The following B3GALNT2 variants were observed in gnomAD, a reference collection of about 807,000 sequenced individuals.
The protein encoded by B3GALNT2 is UDP-GalNAc:beta-1,3-N-acetylgalactosaminyltransferase 2.
Under a neutral mutation model 61.1 loss-of-function variants are expected in B3GALNT2, and 53 were observed. The ratio of observed to expected loss-of-function variants is 0.87; its 90% confidence interval spans 0.70 to 1.09. The LOEUF (loss-of-function observed/expected upper bound fraction) is 1.09, where lower values mean the gene tolerates loss of function less well. Ranked by LOEUF, B3GALNT2 falls within the 50% of genes least tolerant of loss-of-function variation. The pLI, the probability that B3GALNT2 is intolerant of heterozygous loss-of-function variation, is 0.00. For synonymous variants in B3GALNT2, 223 were observed against 237.4 expected (o/e 0.94, Z 0.56); for missense variants, 544 against 623.0 (o/e 0.87, Z 1.35).
chr1:235,496,290 A>T, intron 1 of B3GALNT2: 2 of 739,274 alleles, frequency 2.7e-6, no homozygotes, highest in Non-Finnish European at 3.6e-6. Flanking sequence ...CAGCCTGGGC[A>T]ACAAGAGTGA....
At chr1:235,450,810 G>C (rs1682852292) in intron 11 of B3GALNT2, 1 of 149,450 alleles carries the variant, frequency 6.7e-6, no homozygotes, top group African/African-American at 2.6e-5. Context: ...AACAAACGAA[G>C]AGTTAAAAAA....
At chr1:235,468,408 G>A (rs980048158) in intron 6 of B3GALNT2, among the ~76,000 whole-genome samples, 21 of 146,296 alleles carry the variant, frequency 1.4e-4, no homozygotes, top group African/African-American at 5.0e-4. Context: ...CAGATCATTT[G>A]AGTCTTTACA....
At chr1:235,475,867 G>A (rs1243176593) in intron 5 of B3GALNT2, among the ~76,000 whole-genome samples, 1 of 151,980 alleles carries the variant, frequency 6.6e-6, no homozygotes, top group African/African-American at 2.4e-5. Context: ...TTTGTTGTTT[G>A]AATAGGGACT....
intron 2 of B3GALNT2, among the ~76,000 whole-genome samples, chr1:235,491,443 T>C (rs923267851): frequency 6.6e-6 from 1 of 152,224 alleles, no homozygotes; most frequent in Non-Finnish European, 1.5e-5. Flanking sequence ...TGTATGTACA[T>C]ATAAGCATCA....
intron 2 of B3GALNT2, among the ~76,000 whole-genome samples, chr1:235,491,084 TA>T (rs34246434): frequency 0.019 from 2,594 of 138,836 alleles, 58 homozygotes; most frequent in African/African-American, 0.062. Flanking sequence ...AGTGAATAGT[TA>T]AAAAAAAAAA....
intron 6 of B3GALNT2, among the ~76,000 whole-genome samples, chr1:235,468,450 C>CTTTTTTTTTTTTTTTTTTTTTTT (rs58494716): frequency 1.1e-5 from 1 of 87,388 alleles, no homozygotes; most frequent in Non-Finnish European, 2.1e-5. Flanking sequence ...AGAAACCTAC[C>CTTTTTTTTTTTTTTTTTTTTTTT]TTTTTTTTTT....
intron 10 of B3GALNT2, among the ~76,000 whole-genome samples, chr1:235,453,367 C>T (rs534831283): frequency 2.4e-4 from 36 of 152,142 alleles, no homozygotes; most frequent in Non-Finnish European, 3.8e-4. Flanking sequence ...CGCGAGCAGA[C>T]GACCCATCCT....
At chr1:235,442,923 C>T (rs1681993682), downstream of B3GALNT2, 2 of 1,613,766 alleles carry the variant, frequency 1.2e-6, no homozygotes, top group Non-Finnish European at 1.7e-6. Flanking sequence ...TAAGAAGAAC[C>T]AGCCTGTCTT....
intron 6 of B3GALNT2, among the ~76,000 whole-genome samples, chr1:235,470,591 A>G (rs867279771): frequency 4.6e-5 from 7 of 151,670 alleles, no homozygotes; most frequent in Middle Eastern, 3.4e-3. Flanking sequence ...AAAAAAAAAA[A>G]AGAGAAATAA....
At chr1:235,470,729 T>G in intron 6 of B3GALNT2, 121 bp downstream of exon 6, 5 of 1,413,778 alleles carry the variant, frequency 3.5e-6, no homozygotes, top group Non-Finnish European at 4.7e-6. Flanking sequence ...CTATATATGT[T>G]GTAAAACACA....
At chr1:235,478,843 A>T (rs1226505372) in intron 5 of B3GALNT2, 2 of 152,264 alleles carry the variant, frequency 1.3e-5, no homozygotes, top group Non-Finnish European at 1.5e-5. Flanking sequence ...AAATGTGATT[A>T]TCTCCAAATA....
intron 4 of B3GALNT2, among the ~76,000 whole-genome samples, chr1:235,484,087 TA>T (rs1684682518): frequency 6.6e-6 from 1 of 152,188 alleles, no homozygotes; most frequent in Admixed American, 6.5e-5. Flanking sequence ...TGGAGATTTC[TA>T]ATCTAGTCAA....
chr1:235,473,802 A>C (rs1684116096), intron 5 of B3GALNT2, among the ~76,000 whole-genome samples: 1 of 152,256 alleles, frequency 6.6e-6, no homozygotes, highest in African/African-American at 2.4e-5. Context: ...TATAGTGACC[A>C]GATAAAAATC....
chr1:235,497,314 T>C (rs370831233), intron 1 of B3GALNT2, among the ~76,000 whole-genome samples: 16 of 152,346 alleles, frequency 1.1e-4, no homozygotes, highest in Middle Eastern at 6.8e-3. Flanking sequence ...AGTTCTGACA[T>C]TGATTCCACA....
chr1:235,459,605 C>T (rs1683322047), intron 7 of B3GALNT2, among the ~76,000 whole-genome samples: 1 of 151,872 alleles, frequency 6.6e-6, no homozygotes. Flanking sequence ...CCAGCCTAGG[C>T]AACACAGCGA....
chr1:235,474,301 T>C (rs895207056), intron 5 of B3GALNT2, among the ~76,000 whole-genome samples: 1 of 152,212 alleles, frequency 6.6e-6, no homozygotes, highest in Non-Finnish European at 1.5e-5. Context: ...AAAAATAGCA[T>C]GATACAGGTT....
intron 1 of B3GALNT2, among the ~76,000 whole-genome samples, chr1:235,503,800 TGAAGGGCACACGAGGTTCC>T (rs1173122447): frequency 6.6e-6 from 1 of 152,114 alleles, no homozygotes; most frequent in African/African-American, 2.4e-5. Flanking sequence ...CGCTGGCGGC[TGAAGGGCACACGAGGTTCC>T]GCTCCCGGGC....
At chr1:235,441,326 G>A in the B3GALNT2 span, 1 of 203,438 alleles carries the variant, frequency 4.9e-6, no homozygotes, top group African/African-American at 2.3e-5. Flanking sequence ...TGAGCACCCA[G>A]CCTGGCACTG....
At chr1:235,501,351 T>C (rs1002179300) in intron 1 of B3GALNT2, among the ~76,000 whole-genome samples, 1 of 152,246 alleles carries the variant, frequency 6.6e-6, no homozygotes, top group African/African-American at 2.4e-5. Flanking sequence ...ACTCTGGTAC[T>C]AAGGTGACTC....
Sources: allele counts gnomAD v4.1 joint callset (sites outside exome capture counted in the v4.1 genomes callset), GRCh38; gene constraint gnomAD v4.1.1; transcripts MANE v1.5; gene names NCBI Gene and HGNC (gene_info 2026-07-23, HGNC 2026-07-21).